The following MYSM1 variants were observed in gnomAD, a reference collection of about 807,000 sequenced individuals.
MYSM1 encodes the protein deubiquitinase MYSM1.
Under a neutral mutation model 116.0 loss-of-function variants are expected in MYSM1, and 51 were observed. The observed-to-expected ratio is 0.44, with a 90% CI of 0.35 to 0.56. MYSM1 has a LOEUF of 0.56. Ranked by LOEUF, MYSM1 falls within the 20% of genes least tolerant of loss-of-function variation. The pLI is 0.00. For synonymous variants in MYSM1, 313 were observed against 315.2 expected (o/e 0.99, Z 0.07); for missense variants, 900 against 974.9 (o/e 0.92, Z 1.02).
Position 58,681,972 on chromosome 1 carries a change from G to T in MYSM1, c.1072C>A (p.His358Asn), listed in dbSNP as rs201608056. The T allele has an allele frequency of 3.1e-6, 5 of 1,614,068 alleles. No homozygotes were observed. In the Admixed American group the frequency reaches 5.0e-5, roughly 16 times the overall value. Residue 358 changes from histidine (H) to asparagine (N), a missense_variant, in exon 8 of 20, where the codon CAT (histidine) becomes AAT (asparagine). Transcript: ENST00000472487. Reference protein sequence around the residue: ...KNLNDNEMLFHSCQMVEESHE... With the variant: ...KNLNDNEMLFNSCQMVEESHE... The stretch of plus-strand genomic sequence containing the variant: ...CTTTCCTCTACCATTTGGCAAGAAT[G>T]AAAAAGCATTTCATTATCATTCAAA...
At position 58,661,170 on chromosome 1, in the gene MYSM1, T is replaced by A; in HGVS notation, c.2328A>T (p.Lys776Asn). ...ACCAATTAAAATGAAGACAGCTTAC[T>A]TTCTGCAAACAAGTCAGGTCAGAAT... ...RRDSDLTCLQ[K>N]LLECMRKTLS... Residue 776 changes from lysine to asparagine, a missense_variant and splice_region_variant, in exon 19 of 20, where the codon AAA becomes AAT. By Grantham distance (94) the Lys-to-Asn change is moderately conservative. Around this residue, in one of 3 missense-constraint regions of MYSM1, gnomAD observed 186 missense variants for 196.2 expected, o/e 0.95. Coordinates refer to ENST00000472487, the MANE Select transcript of MYSM1 (RefSeq NM_001085487.3). The A allele has an allele frequency of 6.2e-7, 1 of 1,611,554 alleles. No individual in the cohort carries two copies. Among genetic ancestry groups the A allele is most frequent in the Non-Finnish European group, 8.5e-7 (1 of 1,177,840 alleles).
chr1:58,668,115 G>A (rs1303772035), intron 14 of MYSM1, among the ~76,000 whole-genome samples, 194 bp from the exon 15 acceptor site: 1 of 152,162 alleles, frequency 6.6e-6, no homozygotes, highest in Non-Finnish European at 1.5e-5. Context: ...TTCACTGCTG[G>A]CTGAGAAGCT....
intron 10 of MYSM1, among the ~76,000 whole-genome samples, chr1:58,673,905 G>A (rs1184263283): frequency 6.6e-6 from 1 of 152,178 alleles, no homozygotes; most frequent in African/African-American, 2.4e-5. Context: ...CAGGGTGTGG[G>A]CTGGGTGTTG....
chr1:58,687,493 T>C (rs1373769283), intron 6 of MYSM1, among the ~76,000 whole-genome samples: 6 of 152,170 alleles, frequency 3.9e-5, no homozygotes, highest in Admixed American at 3.9e-4. Context: ...ATTCAATCTA[T>C]TTGCAGATGT....
intron 2 of MYSM1, among the ~76,000 whole-genome samples, chr1:58,694,514 G>C (rs551093379): frequency 2.0e-5 from 3 of 152,000 alleles, no homozygotes; most frequent in Non-Finnish European, 4.4e-5. Flanking sequence ...CCAGCTACTC[G>C]GGAGACTGAG....
At chr1:58,673,432 G>A (rs1171084109) in intron 11 of MYSM1, 141 bp downstream of exon 11, 2 of 667,028 alleles carry the variant, frequency 3.0e-6, no homozygotes, top group Non-Finnish European at 5.1e-6. Flanking sequence ...GTTTACTGGT[G>A]ACTTCCAGAC....
chr1:58,665,734 C>T (rs896503410), intron 16 of MYSM1, 103 bp from the exon 17 acceptor site: 30 of 795,162 alleles, frequency 3.8e-5, no homozygotes, highest in Non-Finnish European at 5.7e-5. Flanking sequence ...AAAGCAGGAA[C>T]AAAAAGGTGC....
intron 6 of MYSM1, among the ~76,000 whole-genome samples, chr1:58,688,036 A>G (rs1428042445): frequency 6.6e-6 from 1 of 152,138 alleles, no homozygotes; most frequent in Admixed American, 6.5e-5. Context: ...AGTTGTTAGG[A>G]ATCTTAAATA....
chr1:58,677,016 G>T lies in MYSM1; in HGVS notation c.1300C>A (p.Arg434Ser). The T allele has an allele frequency of 3.1e-6, 5 of 1,608,640 alleles. No homozygotes were observed. The highest frequency in any genetic ancestry group is 2.3e-5 in the East Asian group (1 of 44,372). Residue 434 changes from arginine to serine, a missense_variant, in exon 9 of 20, where the codon CGT becomes AGT. By Grantham distance (110) the Arg-to-Ser change is moderately radical (BLOSUM62 -1). Transcript: ENST00000472487. ...KPKYLNKTSVRPGLKNCGDVN... is the reference protein window; with the variant it reads ...KPKYLNKTSVSPGLKNCGDVN... ...TCTCCACAGTTCTTCAGGCCAGGAC[G>T]TACTGAGGTCTTATTTAAGTATTTT...
rs1213246909 is a variant in MYSM1, at chr1:58,659,911, CA to C, written c.*85del. On this transcript the variant is annotated 3_prime_UTR_variant, in exon 20 of 20. Coordinates refer to ENST00000472487, the MANE Select transcript of MYSM1 (RefSeq NM_001085487.3). ...TAGAGAAAAAATACCAAAGCTGTGC[CA>C]ATGTTAACTACAATCACTTCAAGTT... 2 of 866,210 alleles carry C rather than the reference CA, an allele frequency of 2.3e-6. No homozygotes were observed. Among genetic ancestry groups the C allele is most frequent in the Admixed American group, 6.3e-5 (2 of 31,902 alleles). The allele number at this position is 866,210 out of a possible 1,614,324, so 53.7% of individuals were successfully genotyped here.
intron 10 of MYSM1, among the ~76,000 whole-genome samples, chr1:58,674,628 TAA>T (rs1322734256): frequency 1.3e-5 from 2 of 152,178 alleles, no homozygotes; most frequent in African/African-American, 2.4e-5. Flanking sequence ...CTCTGCCTTA[TAA>T]AGAGTGTTGG....
In MYSM1 at chr1:58,667,031, G is replaced by C; in HGVS notation, c.2031+7C>G. On this transcript the variant is annotated splice_region_variant and intron_variant, in intron 16 of 19. Transcript: ENST00000472487. ...CCATTTACAGAATATAAATATACATGTAATACCTGGTATTTAGCTTGTGTG... is the reference window on the plus strand; with the variant it reads ...CCATTTACAGAATATAAATATACATCTAATACCTGGTATTTAGCTTGTGTG... 6.3e-7 allele frequency: 1 copy of C among 1,579,844 alleles called. No homozygotes were observed. The highest frequency in any genetic ancestry group is 1.1e-5 in the South Asian group (1 of 88,054).
At chr1:58,699,632 C>A (rs1645033578) in intron 1 of MYSM1, 1 of 985,374 alleles carries the variant, frequency 1.0e-6, no homozygotes, top group African/African-American at 1.7e-5. Flanking sequence ...CCTCAGGTCT[C>A]GTCCGTAGCC....
chr1:58,669,265 T>C (rs930688805), intron 12 of MYSM1, among the ~76,000 whole-genome samples: 2 of 152,064 alleles, frequency 1.3e-5, no homozygotes, highest in African/African-American at 4.8e-5. Flanking sequence ...TCTGTTGTCT[T>C]AATTTCCTTT....
intron 7 of MYSM1, among the ~76,000 whole-genome samples, chr1:58,684,822 A>T (rs1346129711): frequency 6.6e-6 from 1 of 152,158 alleles, no homozygotes; most frequent in Non-Finnish European, 1.5e-5. Context: ...CAAATATTTT[A>T]AAAGGAAAAG....
intron 6 of MYSM1, among the ~76,000 whole-genome samples, chr1:58,688,439 AT>A (rs1050600289): frequency 7.3e-5 from 11 of 151,020 alleles, no homozygotes; most frequent in Non-Finnish European, 7.4e-5. Context: ...AATCCTAAGT[AT>A]TTTTTTTTAA....
At chr1:58,695,066 G>A (rs2100683237) in intron 2 of MYSM1, 63 bp downstream of exon 2, 2 of 825,684 alleles carry the variant, frequency 2.4e-6, no homozygotes, top group Non-Finnish European at 1.8e-6. Context: ...AAAAAAAAAA[G>A]AAGAAGCACT....
rs948561222 is a variant in MYSM1, at chr1:58,659,412, T to C, written c.*585A>G. On this transcript the variant is annotated 3_prime_UTR_variant, in exon 20 of 20. Transcript: ENST00000472487. ...ATACAATGAAATGGAAGATAGTATCTATGATTAGAAACTGGTAATTTAGTT... is the reference window on the plus strand; with the variant it reads ...ATACAATGAAATGGAAGATAGTATCCATGATTAGAAACTGGTAATTTAGTT... 1.2e-4 allele frequency: 18 copies of C among 152,170 alleles called. No individual in the cohort carries two copies. The highest frequency in any genetic ancestry group is 4.3e-4 in the African/African-American group (18 of 41,454). 9.4% of individuals were successfully genotyped at this position (152,170 alleles called of 1,614,324 possible).
At chr1:58,682,856 C>T (rs536052244) in intron 7 of MYSM1, among the ~76,000 whole-genome samples, 104 of 152,086 alleles carry the variant, frequency 6.8e-4, no homozygotes, top group African/African-American at 2.5e-3. Flanking sequence ...CCACCGTGCC[C>T]GGCTAATTTT....
Sources: gnomAD v4.1 joint callset for allele counts (sites outside exome capture counted in the v4.1 genomes callset) on GRCh38, gnomAD v4.1.1 for gene constraint, gnomAD v4.1.1 regional missense constraint, MANE v1.5 for transcripts, NCBI Gene and HGNC (gene_info 2026-07-23, HGNC 2026-07-21) for gene names.